Variants in HMGCLL1 observed in about 807,000 individuals in gnomAD.
HMGCLL1 encodes the protein 3-hydroxy-3-methylglutaryl-CoA lyase like 1.
Under a neutral mutation model 39.1 loss-of-function variants are expected in HMGCLL1, and 36 were observed. That is an observed-to-expected ratio of 0.92 (90% confidence interval 0.71 to 1.22). The LOEUF is 1.22. HMGCLL1 is among the 50% of genes most tolerant of loss of function. The pLI is 0.00. For missense variants in HMGCLL1, 451 were observed against 416.5 expected (o/e 1.08, Z -0.72); for synonymous variants, 149 against 144.0 (o/e 1.03, Z -0.25).
intron 1 of HMGCLL1, among the ~76,000 whole-genome samples, chr6:55,557,844 T>G (rs1229399822): frequency 6.6e-6 from 1 of 152,190 alleles, no homozygotes; most frequent in African/African-American, 2.4e-5. Context: ...CTGGTGCCCG[T>G]ACTGTACTTA....
intron 7 of HMGCLL1, among the ~76,000 whole-genome samples, chr6:55,444,160 A>C (rs560449895): frequency 9.3e-4 from 142 of 152,240 alleles, no homozygotes; most frequent in African/African-American, 3.3e-3. Flanking sequence ...ATTGGAACTG[A>C]AGGTAAACAG....
At chr6:55,532,443 C>T (rs534658266) in intron 3 of HMGCLL1, among the ~76,000 whole-genome samples, 1 of 152,038 alleles carries the variant, frequency 6.6e-6, no homozygotes, top group Non-Finnish European at 1.5e-5. Context: ...TAATACCAAA[C>T]GATGTTAGCA....
chr6:55,453,152 T>G (rs1005203447), intron 7 of HMGCLL1, among the ~76,000 whole-genome samples: 2 of 151,598 alleles, frequency 1.3e-5, no homozygotes, highest in African/African-American at 4.8e-5. Context: ...TACTAAGAAG[T>G]TTGTTGTTGT....
At chr6:55,678,213 C>T in the HMGCLL1 span, among the ~76,000 whole-genome samples, 2 of 152,278 alleles carry the variant, frequency 1.3e-5, no homozygotes, top group Non-Finnish European at 2.9e-5. Context: ...AAATGCTTGG[C>T]ACTTCCAATA....
At chr6:55,587,530 C>G in the HMGCLL1 span, among the ~76,000 whole-genome samples, 1 of 152,076 alleles carries the variant, frequency 6.6e-6, no homozygotes. Flanking sequence ...ATCATAATGA[C>G]AAGATCAAAT....
the HMGCLL1 span, among the ~76,000 whole-genome samples, chr6:55,628,897 T>A: frequency 6.6e-6 from 1 of 152,188 alleles, no homozygotes; most frequent in Non-Finnish European, 1.5e-5. Context: ...TTGTGTGGCC[T>A]CCTCAGTCAT....
chr6:55,448,307 C>A, intron 7 of HMGCLL1, among the ~76,000 whole-genome samples: 1 of 148,618 alleles, frequency 6.7e-6, no homozygotes, highest in African/African-American at 2.5e-5. Flanking sequence ...CTGTATAATA[C>A]AATATTATAT....
chr6:55,577,558 G>A (rs1484872652), intron 1 of HMGCLL1, among the ~76,000 whole-genome samples: 1 of 151,906 alleles, frequency 6.6e-6, no homozygotes, highest in Non-Finnish European at 1.5e-5. Flanking sequence ...ATCTTAGCAG[G>A]GCAAATAAGA....
chr6:55,574,280 G>A (rs545918859), intron 1 of HMGCLL1, among the ~76,000 whole-genome samples: 2 of 151,766 alleles, frequency 1.3e-5, no homozygotes, highest in South Asian at 4.2e-4. Context: ...ATGAAGAAAG[G>A]AATAAAAAGA....
intron 1 of HMGCLL1, among the ~76,000 whole-genome samples, chr6:55,551,928 A>G (rs4529292): frequency 0.21 from 31,336 of 151,888 alleles, 3,469 homozygotes; most frequent in Admixed American, 0.26. Flanking sequence ...TCAGTGCTAT[A>G]TTCATTCACC....
chr6:55,538,009 T>C (rs1479580355), intron 3 of HMGCLL1, among the ~76,000 whole-genome samples: 1 of 152,202 alleles, frequency 6.6e-6, no homozygotes, highest in Non-Finnish European at 1.5e-5. Flanking sequence ...GCCTTTTTTT[T>C]TCCTTTTGTC....
At chr6:55,624,109 C>G in the HMGCLL1 span, among the ~76,000 whole-genome samples, 2 of 152,130 alleles carry the variant, frequency 1.3e-5, no homozygotes, top group Admixed American at 6.6e-5. Context: ...ACCCATGCCT[C>G]TACCTAGAAA....
the HMGCLL1 span, among the ~76,000 whole-genome samples, chr6:55,589,008 C>G: frequency 6.6e-6 from 1 of 152,130 alleles, no homozygotes; most frequent in Non-Finnish European, 1.5e-5. Flanking sequence ...CCTTCTGAAA[C>G]TATTCCAATC....
At chr6:55,591,707 G>T in the HMGCLL1 span, among the ~76,000 whole-genome samples, 2 of 149,868 alleles carry the variant, frequency 1.3e-5, no homozygotes, top group Non-Finnish European at 1.5e-5. Context: ...TTTCCATTAG[G>T]GAAAACATAA....
At chr6:55,441,717 G>A (rs1054587003) in intron 7 of HMGCLL1, among the ~76,000 whole-genome samples, 7 of 151,898 alleles carry the variant, frequency 4.6e-5, no homozygotes, top group African/African-American at 1.7e-4. Flanking sequence ...TTGAGATGGA[G>A]TCTTGCTCGG....
At chr6:55,594,445 A>T in the HMGCLL1 span, among the ~76,000 whole-genome samples, 1 of 152,072 alleles carries the variant, frequency 6.6e-6, no homozygotes, top group African/African-American at 2.4e-5. Context: ...AGTTAAGTCA[A>T]CCTTCACATT....
At chr6:55,576,697 CAAG>C (rs930694290) in intron 1 of HMGCLL1, among the ~76,000 whole-genome samples, 1 of 151,960 alleles carries the variant, frequency 6.6e-6, no homozygotes, top group African/African-American at 2.4e-5. Flanking sequence ...GAAAGAAATT[CAAG>C]AAGTAAAATT....
At chr6:55,543,657 C>T (rs1769780998) in intron 1 of HMGCLL1, among the ~76,000 whole-genome samples, 1 of 146,502 alleles carries the variant, frequency 6.8e-6, no homozygotes, top group African/African-American at 2.5e-5. Flanking sequence ...AGTTTGAGAC[C>T]AGCCAGGGCA....
At chr6:55,544,487 T>C (rs1391451511) in intron 1 of HMGCLL1, among the ~76,000 whole-genome samples, 1 of 152,154 alleles carries the variant, frequency 6.6e-6, no homozygotes, top group Non-Finnish European at 1.5e-5. Context: ...GAACCTGTAC[T>C]TCAAAAGTTT....
Sources: allele counts gnomAD v4.1 joint callset (sites outside exome capture counted in the v4.1 genomes callset), GRCh38; gene constraint gnomAD v4.1.1; transcripts MANE v1.5; gene names NCBI Gene and HGNC (gene_info 2026-07-23, HGNC 2026-07-21).